The following LINGO2 variants were observed in gnomAD, a reference collection of about 807,000 sequenced individuals.
LINGO2 encodes the protein leucine-rich repeat and immunoglobulin-like domain-containing nogo receptor-interacting protein 2.
In LINGO2, 14 loss-of-function variants were observed where a neutral mutation model predicts 30.6. The observed-to-expected ratio is 0.46, with a 90% CI of 0.30 to 0.72. The LOEUF (loss-of-function observed/expected upper bound fraction) is 0.72. Ranked by LOEUF, LINGO2 falls within the 30% of genes least tolerant of loss-of-function variation. LINGO2 has a pLI of 0.07. For missense variants in LINGO2, 729 were observed against 751.7 expected (o/e 0.97, Z 0.35); for synonymous variants, 317 against 288.5 (o/e 1.10, Z -1.00).
At chr9:28,369,392 G>T (rs1587555336) in intron 3 of LINGO2, among the ~76,000 whole-genome samples, 1 of 152,256 alleles carries the variant, frequency 6.6e-6, no homozygotes, top group East Asian at 1.9e-4. Context: ...AGAGATAAAA[G>T]CTCACACCAT....
At chr9:28,372,520 AAT>A (rs1820943376) in intron 3 of LINGO2, among the ~76,000 whole-genome samples, 1 of 152,170 alleles carries the variant, frequency 6.6e-6, no homozygotes, top group Non-Finnish European at 1.5e-5. Flanking sequence ...GAGAGAATGG[AAT>A]GATGATAGTC....
intron 4 of LINGO2, among the ~76,000 whole-genome samples, chr9:28,106,026 G>A (rs1481836987): frequency 6.6e-6 from 1 of 152,114 alleles, no homozygotes; most frequent in African/African-American, 2.4e-5. Context: ...CAGATCAGCA[G>A]CAGCATCAGA....
intron 1 of LINGO2, among the ~76,000 whole-genome samples, chr9:28,566,444 T>C (rs759940854): frequency 6.6e-6 from 1 of 152,174 alleles, no homozygotes; most frequent in Non-Finnish European, 1.5e-5. Context: ...ACCCACCTTC[T>C]GGGATATTGA....
At chr9:28,642,927 A>G (rs906247250) in intron 1 of LINGO2, among the ~76,000 whole-genome samples, 1 of 152,170 alleles carries the variant, frequency 6.6e-6, no homozygotes, top group Non-Finnish European at 1.5e-5. Context: ...ATACATATAT[A>G]TGATGAATAA....
chr9:28,040,195 C>T (rs1237102665), intron 4 of LINGO2, among the ~76,000 whole-genome samples: 2 of 152,130 alleles, frequency 1.3e-5, no homozygotes. Flanking sequence ...CAGATTGATT[C>T]ATTAGAAGCT....
At chr9:28,628,599 C>G (rs1347678065) in intron 1 of LINGO2, among the ~76,000 whole-genome samples, 2 of 151,998 alleles carry the variant, frequency 1.3e-5, no homozygotes, top group Non-Finnish European at 2.9e-5. Context: ...TTCAAAACAC[C>G]TGTATTTGTT....
chr9:28,008,473 A>C (rs1269836932), intron 5 of LINGO2, among the ~76,000 whole-genome samples: 1 of 82,690 alleles, frequency 1.2e-5, no homozygotes, highest in African/African-American at 3.3e-5. Context: ...TCTACTCAAG[A>C]CAGTTATGGA....
At chr9:28,885,510 G>A in the LINGO2 span, among the ~76,000 whole-genome samples, 2 of 149,742 alleles carry the variant, frequency 1.3e-5, no homozygotes, top group African/African-American at 2.5e-5. Flanking sequence ...TATAAAGTCT[G>A]TGTGTACATA....
chr9:28,893,953 C>T, the LINGO2 span, among the ~76,000 whole-genome samples: 2 of 151,536 alleles, frequency 1.3e-5, no homozygotes, highest in East Asian at 3.9e-4. Flanking sequence ...TTCCTGTGTC[C>T]ATGTGTTCTC....
intron 4 of LINGO2, among the ~76,000 whole-genome samples, chr9:28,240,477 G>A (rs954253352): frequency 1.1e-4 from 16 of 152,066 alleles, no homozygotes; most frequent in Non-Finnish European, 1.5e-4. Context: ...AGAGAACCCA[G>A]AAATAAATCC....
chr9:28,305,853 C>G (rs1221876992), intron 3 of LINGO2, among the ~76,000 whole-genome samples: 2 of 152,032 alleles, frequency 1.3e-5, no homozygotes, highest in Non-Finnish European at 2.9e-5. Flanking sequence ...TCTCTGGCTC[C>G]TTGTCAAAGT....
At chr9:29,145,074 G>A in the LINGO2 span, among the ~76,000 whole-genome samples, 4 of 152,070 alleles carry the variant, frequency 2.6e-5, no homozygotes, top group African/African-American at 9.7e-5. Context: ...AGCTTGTTTA[G>A]TTTTATTTCT....
intron 2 of LINGO2, among the ~76,000 whole-genome samples, chr9:28,469,046 G>A (rs1198728548): frequency 1.3e-5 from 2 of 151,874 alleles, no homozygotes; most frequent in Non-Finnish European, 2.9e-5. Context: ...GAAGAATGTG[G>A]AGAAAATTCA....
At chr9:29,040,564 T>TAA in the LINGO2 span, among the ~76,000 whole-genome samples, 8 of 140,720 alleles carry the variant, frequency 5.7e-5, no homozygotes, top group East Asian at 1.4e-3. Flanking sequence ...AGACGCCTCT[T>TAA]TAAAAAAAAA....
At chr9:28,267,121 G>C (rs193299850) in intron 4 of LINGO2, among the ~76,000 whole-genome samples, 1 of 152,112 alleles carries the variant, frequency 6.6e-6, no homozygotes, top group East Asian at 1.9e-4. Context: ...CGTTACCTTT[G>C]TAACTATGTC....
At chr9:28,851,013 A>G in the LINGO2 span, among the ~76,000 whole-genome samples, 7,961 of 152,038 alleles carry the variant, frequency 0.052, 691 homozygotes, top group African/African-American at 0.18. Context: ...TAGTTCCCTT[A>G]AGAGTGTGCA....
chr9:28,583,306 G>A (rs1386799637), intron 1 of LINGO2, among the ~76,000 whole-genome samples: 1 of 151,788 alleles, frequency 6.6e-6, no homozygotes, highest in Non-Finnish European at 1.5e-5. Context: ...TTCCAAAATT[G>A]CAAATTTTCA....
chr9:28,108,132 G>C (rs899820432), intron 4 of LINGO2, among the ~76,000 whole-genome samples: 1 of 152,146 alleles, frequency 6.6e-6, no homozygotes, highest in Non-Finnish European at 1.5e-5. Context: ...CCCTGAATGA[G>C]TCTTGCCTTT....
chr9:28,267,491 C>A (rs931153447), intron 4 of LINGO2, among the ~76,000 whole-genome samples: 1 of 152,090 alleles, frequency 6.6e-6, no homozygotes, highest in East Asian at 1.9e-4. Flanking sequence ...CGTCTAGTAA[C>A]ATTCCTCCTG....
Sources: gnomAD v4.1 joint callset for allele counts (sites outside exome capture counted in the v4.1 genomes callset) on GRCh38, gnomAD v4.1.1 for gene constraint, MANE v1.5 for transcripts, NCBI Gene and HGNC (gene_info 2026-07-23, HGNC 2026-07-21) for gene names.